The following NCAPD2 variants were observed in gnomAD, a reference collection of about 807,000 sequenced individuals.
NCAPD2 encodes condensin complex subunit 1.
In NCAPD2, 100 loss-of-function variants were observed where a neutral mutation model predicts 164.5. The ratio of observed to expected loss-of-function variants is 0.61; its 90% CI spans 0.52 to 0.72. NCAPD2 has a LOEUF of 0.72. Among genes scored for constraint, NCAPD2 ranks in the 30% least tolerant of loss-of-function variants. The pLI, the probability that NCAPD2 is intolerant of heterozygous loss-of-function variation, is 0.00. For missense variants in NCAPD2, 1,560 were observed against 1,749.2 expected (o/e 0.89, Z 1.93); for synonymous variants, 585 against 642.6 (o/e 0.91, Z 1.36).
chr12:6,518,504 G>GTTTTTGTTGTTTTTTTTT (rs746627585), intron 13 of NCAPD2, among the ~76,000 whole-genome samples: 1 of 44,774 alleles, frequency 2.2e-5, no homozygotes, highest in African/African-American at 1.0e-4. Flanking sequence ...CCGTCAACAA[G>GTTTTTGTTGTTTTTTTTT]TTTTTTTTTT....
Position 6,514,851 on chromosome 12 carries a change from A to G in NCAPD2, c.918A>G (p.Glu306=), listed in dbSNP as rs1320934639. The part of the protein sequence containing the change: ...GTKGFAAFLT[E]LAERVPAILM... Reference sequence around the variant, plus strand: ...AGGGCTTTGCAGCATTCCTGACAGAACTAGCAGAACGTGTCCCAGCTATCC... The same window carrying G: ...AGGGCTTTGCAGCATTCCTGACAGAGCTAGCAGAACGTGTCCCAGCTATCC... Residue 306 remains glutamate (E), a synonymous_variant, in exon 9 of 32, where the codon GAA becomes GAG. Coordinates refer to ENST00000315579, the MANE Select transcript of NCAPD2 (RefSeq NM_014865.4). The G allele has an allele frequency of 1.9e-6, 3 of 1,614,090 alleles. No homozygotes were observed. The highest frequency in any genetic ancestry group is 1.3e-5 in the African/African-American group (1 of 74,924).
At chr12:6,525,423 C>G (rs957173691) in intron 17 of NCAPD2, among the ~76,000 whole-genome samples, 160 bp from the exon 18 acceptor site, 1 of 152,198 alleles carries the variant, frequency 6.6e-6, no homozygotes, top group Non-Finnish European at 1.5e-5. Flanking sequence ...TGGAAAGCCT[C>G]TCAAGACCCT....
Position 6,516,865 on chromosome 12 carries a change from C to T in NCAPD2, c.1025C>T (p.Ala342Val), listed in dbSNP as rs781501861. 3.7e-6 allele frequency: 6 copies of T among 1,614,006 alleles called. No individual in the cohort carries two copies. Among genetic ancestry groups the T allele is most frequent in the Admixed American group, 1.7e-5 (1 of 59,962 alleles). ...MMRNAVLAAM[A>V]EMVLQVLSGD... ...CGTAATGCTGTGCTGGCAGCCATGGCGGAGATGGTGCTGCAGGTTCTCAGT... is the reference window on the plus strand; with the variant it reads ...CGTAATGCTGTGCTGGCAGCCATGGTGGAGATGGTGCTGCAGGTTCTCAGT... The change falls in exon 10 of 32, where the codon GCG becomes GTG. Residue 342 changes from alanine (A) to valine (V), a missense_variant. Transcript: ENST00000315579.
Position 6,527,082 on chromosome 12 carries a change from C to A in NCAPD2, c.2907+19C>A. 6.3e-7 allele frequency: 1 copy of A among 1,590,304 alleles called. No individual in the cohort carries two copies. On this transcript the variant is annotated intron_variant, in intron 22 of 31. Coordinates refer to ENST00000315579, the MANE Select transcript of NCAPD2 (RefSeq NM_014865.4). ...GGAGAAGGTGTGTGAATGTCCTCAG[C>A]ACTTCCCAGATTTATTTCATACCTC...
At position 6,531,080 on chromosome 12, in the gene NCAPD2, T is replaced by C. The variant is rs1344306489; in HGVS notation, c.4120+4T>C. 2 of 1,612,774 alleles carry C rather than the reference T, an allele frequency of 1.2e-6. No individual in the cohort carries two copies. Among genetic ancestry groups the C allele is most frequent in the African/African-American group, 1.3e-5 (1 of 74,860 alleles). ...AGTGATGAGTCCAGTGAGGAAGGTA[T>C]GATGCTCCCGCCTGTTCCCGGCCGA... On this transcript the variant is annotated splice_donor_region_variant and intron_variant, in intron 31 of 31. Transcript: ENST00000315579. The surrounding 1 kb of genome is among the most constrained non-coding windows in gnomAD (Gnocchi z 4.1).
At chr12:6,518,666 G>A (rs532969757) in intron 13 of NCAPD2, among the ~76,000 whole-genome samples, 12 of 150,466 alleles carry the variant, frequency 8.0e-5, no homozygotes, top group Non-Finnish European at 1.3e-4. Context: ...GACCACAGGC[G>A]CGCACCACCA....
intron 2 of NCAPD2, among the ~76,000 whole-genome samples, chr12:6,503,475 AAT>A (rs910942756): frequency 3.0e-4 from 46 of 152,244 alleles, no homozygotes; most frequent in African/African-American, 1.0e-3. Flanking sequence ...TAATAGTATG[AAT>A]ATATCGGTGA....
At position 6,495,140 on chromosome 12, in the gene NCAPD2, AGAG is replaced by A. The variant is rs1340065063; in HGVS notation, c.46_48del (p.Glu16del). On this transcript the variant is annotated inframe_deletion, in exon 2 of 32. Coordinates refer to ENST00000315579, the MANE Select transcript of NCAPD2 (RefSeq NM_014865.4). ...ATGAGTTCCATCTGCCATTATCCCC[AGAG>A]GAGTTGTTGAAAAGTGGAGGGGTGA... The A allele has an allele frequency of 6.2e-7, 1 of 1,614,182 alleles. No individual in the cohort carries two copies. The highest frequency in any genetic ancestry group is 1.7e-5 in the Admixed American group (1 of 60,024).
intron 6 of NCAPD2, 73 bp downstream of exon 6, chr12:6,511,325 TTTGG>T: frequency 1.3e-6 from 2 of 1,535,210 alleles, no homozygotes; most frequent in African/African-American, 1.4e-5. Context: ...ATGCCGTTTT[TTTGG>T]TTTTGTTTTT....
At position 6,504,214 on chromosome 12, in the gene NCAPD2, T is replaced by G. The variant is rs1034647612; in HGVS notation, c.128-5503T>G. Among the ~76,000 whole-genome samples, 57 of 21,164 alleles carry G rather than the reference T, an allele frequency of 2.7e-3. 1 individual carries two copies. The highest frequency in any genetic ancestry group is 5.8e-3 in the East Asian group (4 of 688). 13.9% of individuals were successfully genotyped at this position (21,164 alleles called of 152,430 possible). On this transcript the variant is annotated intron_variant, in intron 2 of 31. Transcript: ENST00000315579. ...ATATATATATATATATATATATATA[T>G]ATAGATATAGATATATATATATATA...
intron 17 of NCAPD2, among the ~76,000 whole-genome samples, chr12:6,525,133 A>T (rs1166832416): frequency 6.6e-6 from 1 of 152,216 alleles, no homozygotes; most frequent in Non-Finnish European, 1.5e-5. Context: ...TGGAAGACAA[A>T]TTTTTAAAGG....
chr12:6,500,433 A>G (rs1299029645), intron 2 of NCAPD2, among the ~76,000 whole-genome samples: 1 of 152,194 alleles, frequency 6.6e-6, no homozygotes, highest in Admixed American at 6.5e-5. Context: ...AGAAAAGCCT[A>G]TGCAAAGGCC....
At chr12:6,516,804 C>T (rs1357136133) in intron 9 of NCAPD2, 24 bp from the exon 10 acceptor site, 1 of 1,610,724 alleles carries the variant, frequency 6.2e-7, no homozygotes, top group Non-Finnish European at 8.5e-7. Flanking sequence ...AAAGGTTTGA[C>T]CCCTCTATGC....
chr12:6,511,323 TTTTTGG>T (rs2137047131), intron 6 of NCAPD2, 71 bp downstream of exon 6: 1 of 1,539,348 alleles, frequency 6.5e-7, no homozygotes, highest in South Asian at 1.2e-5. Flanking sequence ...ATATGCCGTT[TTTTTGG>T]TTTTGTTTTT....
intron 2 of NCAPD2, among the ~76,000 whole-genome samples, chr12:6,507,619 GGA>G (rs1243256618): frequency 1.3e-5 from 2 of 152,146 alleles, no homozygotes; most frequent in Non-Finnish European, 2.9e-5. Flanking sequence ...GGCACATAAG[GGA>G]GAGAGGGGAA....
At chr12:6,512,163 T>C (rs1480352238) in intron 6 of NCAPD2, among the ~76,000 whole-genome samples, 1 of 150,184 alleles carries the variant, frequency 6.7e-6, no homozygotes, top group African/African-American at 2.5e-5. Flanking sequence ...TCCCAGCTAC[T>C]CAGGAGGCTG....
Position 6,510,821 on chromosome 12 carries a change from G to T in NCAPD2, c.444+11G>T, listed in dbSNP as rs1946139729. 6.2e-7 allele frequency: 1 copy of T among 1,613,604 alleles called. No homozygotes were observed. The highest frequency in any genetic ancestry group is 8.5e-7 in the Non-Finnish European group (1 of 1,179,844). ...GACCTTGGTGGGAAGGTAATTTGGA[G>T]TTTTGGGCTCACGTTATATGGGGTC... On this transcript the variant is annotated intron_variant, in intron 5 of 31. Transcript: ENST00000315579.
intron 9 of NCAPD2, 118 bp downstream of exon 9, chr12:6,515,038 G>A: frequency 8.9e-7 from 1 of 1,122,518 alleles, no homozygotes; most frequent in Non-Finnish European, 1.3e-6. Context: ...ATTTATCATT[G>A]TGACATTTCC....
In NCAPD2 at chr12:6,519,033, C is replaced by A. The variant is rs182697433; in HGVS notation, c.1589+1074C>A. Among the ~76,000 whole-genome samples the A allele has an allele frequency of 9.0e-3, 1,370 of 151,956 alleles. 16 individuals are homozygous for A. The highest frequency in any genetic ancestry group is 0.032 in the African/African-American group (1,314 of 41,452). ...CCCGAGTAGCTGGGACTACAGGCGC[C>A]CGCCACCACGCCCGGCTAATTTTTT... On this transcript the variant is annotated intron_variant, in intron 13 of 31. Coordinates refer to ENST00000315579, the MANE Select transcript of NCAPD2 (RefSeq NM_014865.4).
Sources: allele counts gnomAD v4.1 joint callset (sites outside exome capture counted in the v4.1 genomes callset), GRCh38; gene constraint gnomAD v4.1.1; non-coding constraint Gnocchi (gnomAD v3.1); transcripts MANE v1.5; gene names NCBI Gene and HGNC (gene_info 2026-07-23, HGNC 2026-07-21).